UBR2: variants seen among roughly 807,000 people sequenced by gnomAD.
The protein encoded by UBR2 is E3 ubiquitin-protein ligase UBR2.
A neutral mutation model predicts 247.9 loss-of-function variants in UBR2; 92 were observed. The observed-to-expected ratio is 0.37, with a 90% confidence interval of 0.31 to 0.44. The LOEUF is 0.44. UBR2 is among the 20% of genes least tolerant of loss of function. The pLI is 1.00. For missense variants in UBR2, 1,613 were observed against 2,112.6 expected (o/e 0.76, Z 4.64); for synonymous variants, 672 against 693.5 (o/e 0.97, Z 0.49).
In UBR2 at chr6:42,638,751, T is replaced by TA. The variant is rs970122755; in HGVS notation, c.1859-1446dup. ...GCGTGGCATGCCCTGCACGTGCCCT[T>TA]AAAAAAAAAAAAGGCAAGAAATTGA... On this transcript the variant is annotated intron_variant, in intron 15 of 46. Transcript: ENST00000372901. Among the ~76,000 whole-genome samples the TA allele has an allele frequency of 4.4e-3, 607 of 139,528 alleles. 4 individuals carry two copies. Among genetic ancestry groups the TA allele is most frequent in the African/African-American group, 0.012 (452 of 37,872 alleles). 91.5% of individuals were successfully genotyped at this position (139,528 alleles called of 152,430 possible).
intron 7 of UBR2, among the ~76,000 whole-genome samples, chr6:42,607,993 C>G (rs1562304486): frequency 1.3e-5 from 2 of 152,100 alleles, no homozygotes; most frequent in Non-Finnish European, 2.9e-5. Flanking sequence ...ATGTTTTAAA[C>G]ATTGTATAGT....
At chr6:42,685,538 C>G (rs562276448) in intron 44 of UBR2, among the ~76,000 whole-genome samples, 1 of 150,194 alleles carries the variant, frequency 6.7e-6, no homozygotes, top group East Asian at 2.0e-4. Flanking sequence ...AACCTTGGCT[C>G]GCTGCAACCT....
intron 3 of UBR2, 69 bp from the exon 4 acceptor site, chr6:42,594,122 T>G: frequency 8.3e-7 from 1 of 1,212,084 alleles, no homozygotes; most frequent in East Asian, 2.4e-5. Context: ...GCACTTGATA[T>G]TCTTATTTAT....
At chr6:42,685,632 T>A (rs1022221752) in intron 44 of UBR2, among the ~76,000 whole-genome samples, 1 of 149,030 alleles carries the variant, frequency 6.7e-6, no homozygotes, top group African/African-American at 2.5e-5. Flanking sequence ...GCCCAGCTAA[T>A]TTTTTTTTTG....
chr6:42,578,822 G>C (rs1791682920), intron 2 of UBR2, among the ~76,000 whole-genome samples: 1 of 152,056 alleles, frequency 6.6e-6, no homozygotes, highest in African/African-American at 2.4e-5. Flanking sequence ...AATTAGCTGG[G>C]CATGGTGGTT....
intron 2 of UBR2, among the ~76,000 whole-genome samples, chr6:42,583,350 C>T (rs1179209179): frequency 2.0e-5 from 3 of 152,162 alleles, no homozygotes; most frequent in African/African-American, 4.8e-5. Flanking sequence ...CGGATTCAAG[C>T]GATTCTCTTC....
chr6:42,638,968 T>C (rs570539362), intron 15 of UBR2, among the ~76,000 whole-genome samples: 1 of 152,304 alleles, frequency 6.6e-6, no homozygotes, highest in South Asian at 2.1e-4. Flanking sequence ...CTCAAAGCTG[T>C]CGTGTGAATA....
At chr6:42,571,130 C>G (rs1791103361) in intron 1 of UBR2, among the ~76,000 whole-genome samples, 1 of 150,314 alleles carries the variant, frequency 6.7e-6, no homozygotes, top group South Asian at 2.1e-4. Flanking sequence ...GTAGTCCCAG[C>G]TACTTGGGAG....
At chr6:42,606,049 CCTGA>C (rs1247975927) in intron 6 of UBR2, among the ~76,000 whole-genome samples, 190 bp downstream of exon 6, 2 of 152,020 alleles carry the variant, frequency 1.3e-5, no homozygotes, top group African/African-American at 4.8e-5. Context: ...TCGAGACCAG[CCTGA>C]CTAACATGGT....
intron 32 of UBR2, 62 bp downstream of exon 32, chr6:42,663,481 A>G: frequency 6.7e-7 from 1 of 1,488,046 alleles, no homozygotes; most frequent in Non-Finnish European, 9.0e-7. Flanking sequence ...TAATGAAATA[A>G]TAAATCAAGG....
chr6:42,652,144 A>G, intron 24 of UBR2, 73 bp downstream of exon 24: 2 of 1,362,786 alleles, frequency 1.5e-6, no homozygotes, highest in Non-Finnish European at 2.0e-6. Context: ...GTTAACTATG[A>G]TGATTGTCCT....
At position 42,659,222 on chromosome 6, in the gene UBR2, G is replaced by A. The variant is rs1797627866; in HGVS notation, c.3242+398G>A. On this transcript the variant is annotated intron_variant, in intron 29 of 46. Coordinates refer to ENST00000372901, the MANE Select transcript of UBR2 (RefSeq NM_001363705.2). The surrounding 1 kb of genome is among the most constrained non-coding windows in gnomAD (Gnocchi z 4.3). The stretch of plus-strand genomic sequence containing the variant: ...TAAATATATACATTCCTGGCTGTGC[G>A]TGGTGGCTCACGCCTGTAATCCCAG... 2.0e-5 allele frequency among the ~76,000 whole-genome samples: 3 copies of A among 152,096 alleles called. No individual in the cohort carries two copies. Among genetic ancestry groups the A allele is most frequent in the South Asian group, 4.1e-4 (2 of 4,824 alleles).
In UBR2 at chr6:42,577,696, G is replaced by A. The variant is rs532762550; in HGVS notation, c.338+3703G>A. ...TAGCTTAATACTTCTTTTAAGATAC[G>A]GAGAAGTAAGGTTTCATCCCCCTGT... On this transcript the variant is annotated intron_variant, in intron 2 of 46. Transcript: ENST00000372901. Among the ~76,000 whole-genome samples the A allele has an allele frequency of 6.6e-5, 10 of 151,588 alleles. No homozygotes were observed. The East Asian group carries it at 1.5e-3, about 23-fold the overall frequency.
In UBR2 at chr6:42,644,266, G is replaced by A. The variant is rs766020481; in HGVS notation, c.2150G>A (p.Arg717His). ...PNHFLMIMLS[R>H]FELYQIFSTP... ...CATTTCCTGATGATCATGCTCAGCC[G>A]CTTTGAACTTTATCAGATTTTCAGT... The change falls in exon 19 of 47, where the codon CGC becomes CAC. Residue 717 changes from arginine to histidine, a missense_variant. Transcript: ENST00000372901. 17 of 1,612,134 alleles carry A rather than the reference G, an allele frequency of 1.1e-5. No individual in the cohort carries two copies. Among genetic ancestry groups the A allele is most frequent in the South Asian group, 3.3e-5 (3 of 91,012 alleles).
At chr6:42,651,974 G>A (rs779201345) in intron 23 of UBR2, 49 bp from the exon 24 acceptor site, 4 of 1,527,178 alleles carry the variant, frequency 2.6e-6, no homozygotes, top group East Asian at 2.4e-5. Flanking sequence ...ACCAGGTGTG[G>A]TGGTGGGCAT....
intron 11 of UBR2, among the ~76,000 whole-genome samples, chr6:42,623,396 C>G (rs1462807837): frequency 6.6e-6 from 1 of 152,098 alleles, no homozygotes; most frequent in Non-Finnish European, 1.5e-5. Flanking sequence ...CTCAGTCTCC[C>G]GAGTACCTGG....
chr6:42,574,292 A>T (rs1181269830), intron 2 of UBR2, among the ~76,000 whole-genome samples: 2 of 152,116 alleles, frequency 1.3e-5, no homozygotes, highest in Non-Finnish European at 2.9e-5. Context: ...GATATTTTTT[A>T]GTTACAGTAA....
chr6:42,640,826 T>G (rs183044782), intron 16 of UBR2, among the ~76,000 whole-genome samples: 53 of 152,020 alleles, frequency 3.5e-4, no homozygotes, highest in Non-Finnish European at 6.3e-4. Context: ...ACCTCCATGG[T>G]TTAAGGAATT....
chr6:42,667,406 A>G (rs1400622645), intron 34 of UBR2, among the ~76,000 whole-genome samples: 2 of 151,070 alleles, frequency 1.3e-5, no homozygotes, highest in East Asian at 3.9e-4. Context: ...CTGTCATTTT[A>G]TTTGTCACTT....
Sources: gnomAD v4.1 joint callset for allele counts (sites outside exome capture counted in the v4.1 genomes callset) on GRCh38, gnomAD v4.1.1 for gene constraint, Gnocchi (gnomAD v3.1) non-coding constraint, MANE v1.5 for transcripts, NCBI Gene and HGNC (gene_info 2026-07-23, HGNC 2026-07-21) for gene names.